IFIH1: variants seen among roughly 807,000 people sequenced by gnomAD.
The protein encoded by IFIH1 is interferon induced with helicase C domain 1.
Under a neutral mutation model 107.4 loss-of-function variants are expected in IFIH1, and 125 were observed. That is an observed-to-expected ratio of 1.16 (90% confidence interval 1.01 to 1.35). IFIH1 has a LOEUF of 1.35. IFIH1 is among the 40% of genes most tolerant of loss of function. IFIH1 has a pLI of 0.00. For synonymous variants in IFIH1, 458 were observed against 413.2 expected (o/e 1.11, Z -1.31); for missense variants, 1,333 against 1,213.7 (o/e 1.10, Z -1.46).
intron 11 of IFIH1, among the ~76,000 whole-genome samples, chr2:162,274,912 C>T (rs1691122414): frequency 6.6e-6 from 1 of 152,148 alleles, no homozygotes; most frequent in Non-Finnish European, 1.5e-5. Context: ...CAGTGTGAGT[C>T]CTTATTTGAC....
chr2:162,295,437 C>G (rs964712872), intron 3 of IFIH1, among the ~76,000 whole-genome samples: 2 of 151,846 alleles, frequency 1.3e-5, no homozygotes, highest in African/African-American at 4.8e-5. Flanking sequence ...TTTACATCTC[C>G]CATCCAATTT....
chr2:162,304,440 C>A (rs865799900), intron 3 of IFIH1, among the ~76,000 whole-genome samples: 1 of 151,912 alleles, frequency 6.6e-6, no homozygotes, highest in African/African-American at 2.4e-5. Context: ...CCAGCCTGGG[C>A]GACAGAGAGA....
chr2:162,308,415 T>G (rs1001286150), intron 2 of IFIH1, among the ~76,000 whole-genome samples: 42 of 151,482 alleles, frequency 2.8e-4, no homozygotes, highest in African/African-American at 7.8e-4. Context: ...AGTCTTGCTC[T>G]GACACCCAGG....
rs1160695662 is a variant in IFIH1 at position 162,282,446 on chromosome 2, A to C, written c.1226T>G (p.Ile409Ser). ...AAGGATTTGAGCTGTACTGATAATA[A>C]TATCACAGGACTTGACAACTTCTGG... Reference protein sequence around the residue: ...SFPEVVKSCDIIISTAQILEN... With the variant: ...SFPEVVKSCDSIISTAQILEN... The change falls in exon 6 of 16, where the codon ATT becomes AGT. Residue 409 changes from isoleucine (I) to serine (S), a missense_variant. Physicochemically the swap from Ile to Ser is moderately radical, Grantham distance 142. Coordinates refer to ENST00000649979, the MANE Select transcript of IFIH1 (RefSeq NM_022168.4). 2 of 1,611,968 alleles carry C rather than the reference A, an allele frequency of 1.2e-6. No homozygotes were observed. The highest frequency in any genetic ancestry group is 2.7e-5 in the African/African-American group (2 of 74,912).
At chr2:162,287,635 A>G (rs1389310567) in intron 5 of IFIH1, among the ~76,000 whole-genome samples, 1 of 151,906 alleles carries the variant, frequency 6.6e-6, no homozygotes, top group African/African-American at 2.4e-5. Context: ...ACCTTCACTT[A>G]ATTTTATCTC....
chr2:162,276,741 T>C lies in IFIH1; in HGVS notation c.2250A>G (p.Lys750=). 6.2e-7 allele frequency: 1 copy of C among 1,614,064 alleles called. No individual in the cohort carries two copies. The highest frequency in any genetic ancestry group is 8.5e-7 in the Non-Finnish European group (1 of 1,179,944). Residue 750 remains lysine (K), a synonymous_variant, in exon 11 of 16, where the codon AAA becomes AAG. Coordinates refer to ENST00000649979, the MANE Select transcript of IFIH1 (RefSeq NM_022168.4). ...GTCCAGCTCCAATCAGATGGTGGGCTTTGACTCCTACTTCAGCAAATTTTT... is the reference window on the plus strand; with the variant it reads ...GTCCAGCTCCAATCAGATGGTGGGCCTTGACTCCTACTTCAGCAAATTTTT... ...ENEKFAEVGV[K]AHHLIGAGHS...
intron 4 of IFIH1, among the ~76,000 whole-genome samples, chr2:162,289,058 C>CT (rs919964417): frequency 1.3e-5 from 2 of 151,626 alleles, no homozygotes; most frequent in Non-Finnish European, 2.9e-5. Flanking sequence ...CTATGCTAGC[C>CT]TTTAATTGGT....
Position 162,278,223 on chromosome 2 carries a change from T to C in IFIH1, c.1747A>G (p.Ile583Val), listed in dbSNP as rs753599401. The C allele has an allele frequency of 1.2e-6, 2 of 1,604,946 alleles. No homozygotes were observed. The highest frequency in any genetic ancestry group is 1.7e-6 in the Non-Finnish European group (2 of 1,177,282). ...FGTQPYEQWA[I>V]QMEKKAAKEG... ...AAATTACCTTTTTTTTCCATTTGAA[T>C]GGCCCATTGTTCATAGGGTTGAGTT... Residue 583 changes from isoleucine (I) to valine (V), a missense_variant, in exon 9 of 16, where the codon ATT becomes GTT. Physicochemically the swap from Ile to Val is conservative, Grantham distance 29. Coordinates refer to ENST00000649979, the MANE Select transcript of IFIH1 (RefSeq NM_022168.4).
rs1272842468 is a variant in IFIH1 at position 162,293,684 on chromosome 2, T to C, written c.770-16A>G. 1.3e-6 allele frequency: 2 copies of C among 1,503,610 alleles called. No individual in the cohort carries two copies. The highest frequency in any genetic ancestry group is 2.3e-5 in the South Asian group (2 of 88,476). The allele number at this position is 1,503,610 out of a possible 1,614,324, so 93.1% of individuals were successfully genotyped here. A position where few individuals can be genotyped will look rare whatever the true frequency, so the allele number is the denominator to read the frequency against. ...GTGTCTGATTCTGCAAAGGAAAACA[T>C]TTTAAAATATTTTTAAAATATTTCT... is the stretch of plus-strand genomic sequence containing the variant. On this transcript the variant is annotated splice_polypyrimidine_tract_variant and intron_variant, in intron 3 of 15. Coordinates refer to ENST00000649979, the MANE Select transcript of IFIH1 (RefSeq NM_022168.4).
chr2:162,268,441 G>T (rs1379459938), intron 13 of IFIH1, among the ~76,000 whole-genome samples, 164 bp from the exon 14 acceptor site: 1 of 152,068 alleles, frequency 6.6e-6, no homozygotes, highest in African/African-American at 2.4e-5. Context: ...AAAGAATTTG[G>T]TATATAATCA....
chr2:162,306,971 G>A (rs901439994), intron 2 of IFIH1, 116 bp from the exon 3 acceptor site: 2 of 790,994 alleles, frequency 2.5e-6, no homozygotes, highest in Non-Finnish European at 4.0e-6. Flanking sequence ...GAGATTGCCT[G>A]AATATATTTA....
chr2:162,282,645 G>A (rs1006275426), intron 5 of IFIH1, 69 bp from the exon 6 acceptor site: 3 of 953,880 alleles, frequency 3.1e-6, no homozygotes, highest in Non-Finnish European at 4.7e-6. Context: ...TTGATCAAAG[G>A]CCTGTTTGGC....
chr2:162,315,325 A>G (rs1683468707), intron 1 of IFIH1, among the ~76,000 whole-genome samples: 1 of 152,228 alleles, frequency 6.6e-6, no homozygotes, highest in African/African-American at 2.4e-5. Context: ...AATGCTTACT[A>G]AACACCAACC....
rs74162087 is a variant in IFIH1 at position 162,272,383 on chromosome 2, C to T, written c.2459G>A (p.Arg820His). ...GCTCTCATCAGCTCTGGCTCGACCACGGGCCTGAAAACACAAATAAATCAA... is the reference window on the plus strand; with the variant it reads ...GCTCTCATCAGCTCTGGCTCGACCATGGGCCTGAAAACACAAATAAATCAA... ...VTNEIAMVQA[R>H]GRARADESTY... is the part of the protein sequence containing the mutation. Residue 820 changes from arginine to histidine, a missense_variant, in exon 13 of 16, where the codon CGT becomes CAT. By Grantham distance (29) the Arg-to-His change is conservative. Transcript: ENST00000649979. The T allele has an allele frequency of 5.8e-4, 934 of 1,611,374 alleles. No homozygotes were observed. The highest frequency in any genetic ancestry group is 7.6e-4 in the Non-Finnish European group (896 of 1,178,866).
In IFIH1 at chr2:162,280,061, C is replaced by A. The variant is rs758807886; in HGVS notation, c.1576G>T (p.Asp526Tyr). ...TCCTGTATTTGGTTTTTCAGTTGAT[C>A]AAGGTTTTCTTTAACAGTTTTAATA... ...FTIKTVKENL[D>Y]QLKNQIQEPC... The change falls in exon 8 of 16, where the codon GAT becomes TAT. Residue 526 changes from aspartate to tyrosine, a missense_variant. Transcript: ENST00000649979. 2 of 1,611,032 alleles carry A rather than the reference C, an allele frequency of 1.2e-6. No homozygotes were observed. Among genetic ancestry groups the A allele is most frequent in the East Asian group, 2.2e-5 (1 of 44,790 alleles).
chr2:162,282,340 T>TA lies in IFIH1; in HGVS notation c.1306+25_1306+26insT, dbSNP rs766971421. On this transcript the variant is annotated intron_variant, in intron 6 of 15. Transcript: ENST00000649979. ...ATCATCAATATTACTATTAATTTTT[T>TA]TAAAAAAATAAACACTTAAACTGAC... 2.8e-5 allele frequency: 41 copies of TA among 1,474,776 alleles called. No homozygotes were observed. In the African/African-American group the frequency reaches 3.6e-4, roughly 13 times the overall value. The allele number at this position is 1,474,776 out of a possible 1,614,324, so 91.4% of individuals were successfully genotyped here. A position where few individuals can be genotyped will look rare whatever the true frequency, so the allele number is the denominator to read the frequency against.
chr2:162,294,046 C>T lies in IFIH1; in HGVS notation c.770-378G>A, dbSNP rs13405799. Among the ~76,000 whole-genome samples, 960 of 151,888 alleles carry T rather than the reference C, an allele frequency of 6.3e-3. 10 individuals are homozygous for T. Among genetic ancestry groups the T allele is most frequent in the African/African-American group, 0.022 (907 of 41,452 alleles). ...AATAATACATAGAAACCTTTGAGGT[C>T]TTTTCATTTAAAATGATAGGGAATT... On this transcript the variant is annotated intron_variant, in intron 3 of 15. Coordinates refer to ENST00000649979, the MANE Select transcript of IFIH1 (RefSeq NM_022168.4).
At position 162,292,232 on chromosome 2, in the gene IFIH1, T is replaced by C. The variant is rs11897331; in HGVS notation, c.874+1332A>G. Among the ~76,000 whole-genome samples, 508 of 151,940 alleles carry C rather than the reference T, an allele frequency of 3.3e-3. 1 individual carries two copies. The highest frequency in any genetic ancestry group is 0.012 in the African/African-American group (485 of 41,514). On this transcript the variant is annotated intron_variant, in intron 4 of 15. Coordinates refer to ENST00000649979, the MANE Select transcript of IFIH1 (RefSeq NM_022168.4). ...ATTAGCTAGATTATCTATTTTGAGTTCTAGCATAGCATGTAATAGAAATGT... is the reference window on the plus strand; with the variant it reads ...ATTAGCTAGATTATCTATTTTGAGTCCTAGCATAGCATGTAATAGAAATGT...
rs138260747 is a variant in IFIH1, at chr2:162,286,932, A to G, written c.1095+1203T>C. 3.4e-3 allele frequency among the ~76,000 whole-genome samples: 515 copies of G among 152,090 alleles called. 6 individuals are homozygous for G. The highest frequency in any genetic ancestry group is 0.012 in the African/African-American group (493 of 41,518). On this transcript the variant is annotated intron_variant, in intron 5 of 15. Transcript: ENST00000649979. ...TTCATTTTGCAGATGAAGAAATTAAAGTTAGAGAAGTTACTAATTTGTCTA... is the reference window on the plus strand; with the variant it reads ...TTCATTTTGCAGATGAAGAAATTAAGGTTAGAGAAGTTACTAATTTGTCTA...
Sources: gnomAD v4.1 joint callset for allele counts (sites outside exome capture counted in the v4.1 genomes callset) on GRCh38, gnomAD v4.1.1 for gene constraint, MANE v1.5 for transcripts, NCBI Gene and HGNC (gene_info 2026-07-23, HGNC 2026-07-21) for gene names.